Variants in CSMD1 observed in about 807,000 individuals in gnomAD.
CSMD1 encodes CUB and Sushi multiple domains 1.
A neutral mutation model predicts 417.5 loss-of-function variants in CSMD1; 213 were observed. That is an observed-to-expected ratio of 0.51 (90% CI 0.46 to 0.57). The LOEUF is 0.57. Ranked by LOEUF, CSMD1 falls within the 20% of genes least tolerant of loss-of-function variation. The pLI is 0.00. For synonymous variants in CSMD1, 2,862 were observed against 1,736.8 expected (o/e 1.65, Z -16.11); for missense variants, 6,923 against 4,529.7 (o/e 1.53, Z -15.17).
chr8:3,799,280 G>A (rs1434589011), intron 5 of CSMD1, among the ~76,000 whole-genome samples: 1 of 151,036 alleles, frequency 6.6e-6, no homozygotes, highest in Non-Finnish European at 1.5e-5. Context: ...AAGTTCTAGG[G>A]TACATGTGCA....
chr8:4,270,953 C>A (rs890619972), intron 3 of CSMD1, among the ~76,000 whole-genome samples: 1 of 152,130 alleles, frequency 6.6e-6, no homozygotes, highest in African/African-American at 2.4e-5. Flanking sequence ...AGAGGGAGCA[C>A]TTTAAACTGT....
At chr8:4,754,216 A>G (rs1015676883) in intron 1 of CSMD1, among the ~76,000 whole-genome samples, 9 of 152,168 alleles carry the variant, frequency 5.9e-5, no homozygotes, top group Non-Finnish European at 1.2e-4. Flanking sequence ...AACTCTTAAC[A>G]GTCGGGATCT....
intron 2 of CSMD1, among the ~76,000 whole-genome samples, chr8:4,500,655 G>C (rs1008690166): frequency 3.9e-5 from 6 of 152,150 alleles, no homozygotes; most frequent in African/African-American, 1.4e-4. Context: ...AGAGGTGTTA[G>C]TAAATGTTCT....
At chr8:3,244,582 G>T (rs1799758740) in intron 26 of CSMD1, among the ~76,000 whole-genome samples, 1 of 152,130 alleles carries the variant, frequency 6.6e-6, no homozygotes, top group Admixed American at 6.5e-5. Context: ...CTCTTCAAAG[G>T]GGGAAATCAT....
At chr8:3,485,644 C>T (rs1180558076) in intron 11 of CSMD1, among the ~76,000 whole-genome samples, 1 of 151,678 alleles carries the variant, frequency 6.6e-6, no homozygotes, top group African/African-American at 2.4e-5. Flanking sequence ...CTGGTTATCC[C>T]AGCTACTCCT....
At chr8:3,623,080 C>T (rs988850267) in intron 7 of CSMD1, among the ~76,000 whole-genome samples, 4 of 152,116 alleles carry the variant, frequency 2.6e-5, no homozygotes, top group Admixed American at 6.5e-5. Context: ...GTTCATTACA[C>T]ACCATTAATA....
intron 10 of CSMD1, among the ~76,000 whole-genome samples, chr8:3,515,865 A>G (rs1797261793): frequency 2.0e-5 from 3 of 152,228 alleles, no homozygotes; most frequent in African/African-American, 7.2e-5. Context: ...AGCGTGGGGA[A>G]AATTAACTTC....
chr8:3,166,655 G>A (rs1259018044), intron 37 of CSMD1, among the ~76,000 whole-genome samples: 1 of 152,108 alleles, frequency 6.6e-6, no homozygotes, highest in Non-Finnish European at 1.5e-5. Context: ...CAAGCCAGGG[G>A]TAGCAGTATC....
At chr8:4,455,037 A>C (rs1272172501) in intron 2 of CSMD1, among the ~76,000 whole-genome samples, 1 of 152,084 alleles carries the variant, frequency 6.6e-6, no homozygotes, top group African/African-American at 2.4e-5. Context: ...CGCTGTCATC[A>C]ACACAATATC....
chr8:3,531,860 G>A (rs11990879), intron 10 of CSMD1, among the ~76,000 whole-genome samples: 3 of 151,952 alleles, frequency 2.0e-5, no homozygotes, highest in Non-Finnish European at 2.9e-5. Flanking sequence ...GGGCCAGGCC[G>A]GTCCACCATG....
rs1040848232 is a variant in CSMD1 at position 3,633,855 on chromosome 8, A to C, written c.1010-17058T>G. On this transcript the variant is annotated intron_variant, in intron 7 of 69. Transcript: ENST00000635120. The stretch of plus-strand genomic sequence containing the variant: ...AAGTGTTAAATATCAGGCTGTGAAC[A>C]TCATAGACACAGAGAAGAAACCTGA... Among the ~76,000 whole-genome samples, 3 of 152,226 alleles carry C rather than the reference A, an allele frequency of 2.0e-5. No homozygotes were observed. The East Asian group carries it at 5.8e-4, about 29-fold the overall frequency.
At chr8:3,424,225 C>G (rs1020674194) in intron 12 of CSMD1, among the ~76,000 whole-genome samples, 7 of 152,064 alleles carry the variant, frequency 4.6e-5, no homozygotes, top group Admixed American at 1.3e-4. Flanking sequence ...TATCTAAGAG[C>G]ATAATGAAAT....
rs1024285044 is a variant in CSMD1 at position 3,884,952 on chromosome 8, C to G, written c.818+112951G>C. ...ATATTCATATATATATATACACACA[C>G]ACACACATTCAGAAGGCATCATTCA... On this transcript the variant is annotated intron_variant, in intron 5 of 69. Coordinates refer to ENST00000635120, the MANE Select transcript of CSMD1 (RefSeq NM_033225.6). Among the ~76,000 whole-genome samples, 3 of 149,836 alleles carry G rather than the reference C, an allele frequency of 2.0e-5. No individual in the cohort carries two copies. In the East Asian group the frequency reaches 5.8e-4, roughly 29 times the overall value.
intron 3 of CSMD1, among the ~76,000 whole-genome samples, chr8:4,135,694 G>C (rs1017138024): frequency 6.6e-6 from 1 of 151,984 alleles, no homozygotes; most frequent in Admixed American, 6.6e-5. Context: ...TATTAGTCAG[G>C]ATATTATTAT....
At chr8:3,499,686 G>A (rs945833630) in intron 10 of CSMD1, among the ~76,000 whole-genome samples, 3 of 151,942 alleles carry the variant, frequency 2.0e-5, no homozygotes, top group Non-Finnish European at 4.4e-5. Flanking sequence ...GACGACTTGT[G>A]GTATAGGGTA....
At chr8:3,218,498 T>C (rs924362901) in intron 29 of CSMD1, among the ~76,000 whole-genome samples, 2 of 148,716 alleles carry the variant, frequency 1.3e-5, no homozygotes, top group African/African-American at 5.0e-5. Context: ...GAGGCAGAGG[T>C]TGCAGTGAGC....
chr8:3,248,188 G>A (rs73185568), intron 26 of CSMD1, among the ~76,000 whole-genome samples: 12,764 of 152,152 alleles, frequency 0.084, 716 homozygotes, highest in Non-Finnish European at 0.12. Flanking sequence ...AAAGAATGAA[G>A]TATGAAAACA....
At chr8:3,292,922 C>T (rs539214730) in intron 25 of CSMD1, among the ~76,000 whole-genome samples, 9 of 151,968 alleles carry the variant, frequency 5.9e-5, no homozygotes, top group East Asian at 1.9e-4. Flanking sequence ...TTCCTAGTCT[C>T]GATGGTCTTT....
intron 3 of CSMD1, among the ~76,000 whole-genome samples, chr8:4,115,483 T>C (rs1802085943): frequency 6.6e-6 from 1 of 152,146 alleles, no homozygotes. Flanking sequence ...GCTTTAGACG[T>C]ATTTTTTTAC....
Sources: allele counts gnomAD v4.1 joint callset (sites outside exome capture counted in the v4.1 genomes callset), GRCh38; gene constraint gnomAD v4.1.1; transcripts MANE v1.5; gene names NCBI Gene and HGNC (gene_info 2026-07-23, HGNC 2026-07-21).